KLHL5: variants seen among roughly 807,000 people sequenced by gnomAD.
KLHL5 encodes kelch like family member 5.
A neutral mutation model predicts 77.7 loss-of-function variants in KLHL5; 48 were observed. The ratio of observed to expected loss-of-function variants is 0.62; its 90% CI spans 0.49 to 0.79. The LOEUF (loss-of-function observed/expected upper bound fraction) is 0.79. Ranked by LOEUF, KLHL5 falls within the 30% of genes least tolerant of loss-of-function variation. The pLI is 0.00. For synonymous variants in KLHL5, 260 were observed against 297.0 expected, an observed-to-expected ratio of 0.88 and a Z score of 1.28; for missense variants, 723 against 859.7, an observed-to-expected ratio of 0.84 and a Z score of 1.99.
chr4:39,065,336 G>C (rs1717791601), intron 1 of KLHL5, among the ~76,000 whole-genome samples: 1 of 149,360 alleles, frequency 6.7e-6, no homozygotes, highest in South Asian at 2.1e-4. Flanking sequence ...CACTGTTAAT[G>C]TCACACTGAC....
Position 39,115,607 on chromosome 4 carries a change from A to G in KLHL5, c.2073+277A>G, listed in dbSNP as rs1577745725. Reference sequence around the variant, plus strand: ...GTGTTCTAGCCTGATTAAAGCTGATAGGACTACTGGAGGGCTGCAACAATG... The same window carrying G: ...GTGTTCTAGCCTGATTAAAGCTGATGGGACTACTGGAGGGCTGCAACAATG... On this transcript the variant is annotated intron_variant, in intron 10 of 10. Coordinates refer to ENST00000504108, the MANE Select transcript of KLHL5 (RefSeq NM_015990.5). The G allele has an allele frequency of 2.6e-5, 37 of 1,413,648 alleles. 2 individuals carry two copies. In the East Asian group the frequency reaches 9.4e-4, roughly 36 times the overall value. 87.6% of individuals were successfully genotyped at this position (1,413,648 alleles called of 1,614,324 possible). A position where few individuals can be genotyped will look rare whatever the true frequency, so the allele number is the denominator to read the frequency against.
At chr4:39,112,145 T>C (rs945926231) in intron 8 of KLHL5, among the ~76,000 whole-genome samples, 4 of 152,194 alleles carry the variant, frequency 2.6e-5, no homozygotes, top group African/African-American at 9.6e-5. Context: ...ACAAGAAATA[T>C]TGTGTTCAAA....
At chr4:39,063,426 CAG>C (rs911328934) in intron 1 of KLHL5, 9 of 254,086 alleles carry the variant, frequency 3.5e-5, no homozygotes, top group Non-Finnish European at 6.6e-5. Context: ...TAGTTTATAA[CAG>C]ATGATAGAGT....
intron 9 of KLHL5, 128 bp from the exon 10 acceptor site, chr4:39,115,030 TA>T: frequency 2.5e-6 from 2 of 815,454 alleles, no homozygotes; most frequent in Non-Finnish European, 3.8e-6. Flanking sequence ...TATTTTTCTC[TA>T]AAATATGTTC....
chr4:39,120,038 C>G (rs1339072638), intron 10 of KLHL5: 2 of 152,118 alleles, frequency 1.3e-5, no homozygotes, highest in African/African-American at 4.8e-5. Context: ...ACTCATTGGT[C>G]TAGGGGGTCG....
chr4:39,141,602 A>C, the KLHL5 span, among the ~76,000 whole-genome samples: 37 of 152,022 alleles, frequency 2.4e-4, no homozygotes, highest in African/African-American at 5.8e-4. Context: ...TGAGCCACCG[A>C]GCCCGGCCTA....
chr4:39,044,922 G>C, upstream of KLHL5: 1 of 982,416 alleles, frequency 1.0e-6, no homozygotes, highest in Non-Finnish European at 1.2e-6. Flanking sequence ...GAGCGGGAGT[G>C]GCTCGCTCCG....
chr4:39,107,070 C>T (rs1347359880), intron 7 of KLHL5, among the ~76,000 whole-genome samples: 5 of 90,244 alleles, frequency 5.5e-5, no homozygotes, highest in African/African-American at 7.8e-5. Flanking sequence ...TTTTTTGAGA[C>T]GGAGTCTCAC....
chr4:39,053,199 C>T (rs1716781091), intron 1 of KLHL5, among the ~76,000 whole-genome samples: 1 of 152,126 alleles, frequency 6.6e-6, no homozygotes, highest in Non-Finnish European at 1.5e-5. Context: ...CTACCCTTTC[C>T]CTACCTGACT....
intron 10 of KLHL5, among the ~76,000 whole-genome samples, chr4:39,118,542 G>A (rs1232775340): frequency 6.6e-6 from 1 of 152,190 alleles, no homozygotes; most frequent in Non-Finnish European, 1.5e-5. Flanking sequence ...GGTCACCTGA[G>A]GTCAGGAGTT....
Position 39,062,752 on chromosome 4 carries a change from A to G in KLHL5, c.100A>G (p.Ser34Gly), listed in dbSNP as rs139836085. The change falls in exon 1 of 11, where the codon AGC (serine) becomes GGC (glycine). Residue 34 changes from serine to glycine, a missense_variant. Transcript: ENST00000504108. ...QASSPNSTVD[S>G]QQGEFWNRGQ... ...ATCATCTCCTAATTCTACAGTTGAC[A>G]GCCAGCAGGGAGAATTTTGGAACCG... 275 of 1,614,174 alleles carry G rather than the reference A, an allele frequency of 1.7e-4. No homozygotes were observed. The highest frequency in any genetic ancestry group is 8.3e-5 in the Non-Finnish European group (98 of 1,180,000).
At chr4:39,127,752 A>T (rs1158153940), downstream of KLHL5, among the ~76,000 whole-genome samples, 2 of 152,112 alleles carry the variant, frequency 1.3e-5, no homozygotes, top group Non-Finnish European at 2.9e-5. Context: ...GGCCTGGGTC[A>T]CCACACCGAC....
In KLHL5 at chr4:39,062,449, T is replaced by G. The variant is rs1717502747; in HGVS notation, c.-204T>G. 1 of 1,542,760 alleles carries G rather than the reference T, an allele frequency of 6.5e-7. No homozygotes were observed. Among genetic ancestry groups the G allele is most frequent in the Non-Finnish European group, 8.7e-7 (1 of 1,149,710 alleles). On this transcript the variant is annotated 5_prime_UTR_variant, in exon 1 of 11. Transcript: ENST00000504108. ...ACGGAATGTTCCACCGTGTTTCATC[T>G]TTATTCATTATCCTTTGTTCTTTAA...
intron 1 of KLHL5, among the ~76,000 whole-genome samples, chr4:39,074,326 T>C (rs1272978519): frequency 6.6e-6 from 1 of 152,260 alleles, no homozygotes; most frequent in Non-Finnish European, 1.5e-5. Context: ...GTTAAGGCAC[T>C]GTTAACTTCT....
intron 1 of KLHL5, among the ~76,000 whole-genome samples, chr4:39,066,063 A>G (rs568638301): frequency 5.9e-5 from 9 of 152,320 alleles, no homozygotes; most frequent in African/African-American, 2.2e-4. Flanking sequence ...CCATCCACCT[A>G]AGTGATTTAA....
At chr4:39,064,421 A>C (rs1178286025) in intron 1 of KLHL5, among the ~76,000 whole-genome samples, 1 of 152,120 alleles carries the variant, frequency 6.6e-6, no homozygotes, top group Non-Finnish European at 1.5e-5. Flanking sequence ...TTATATAGTA[A>C]AAGATTCATC....
chr4:39,096,252 GT>G (rs1264860004), intron 5 of KLHL5, among the ~76,000 whole-genome samples: 1 of 152,052 alleles, frequency 6.6e-6, no homozygotes, highest in African/African-American at 2.4e-5. Flanking sequence ...GGTAACTTTT[GT>G]TTTTGCAGTT....
At chr4:39,091,551 ATCTGAGTC>A (rs1346511087) in intron 5 of KLHL5, among the ~76,000 whole-genome samples, 1 of 152,220 alleles carries the variant, frequency 6.6e-6, no homozygotes, top group Admixed American at 6.5e-5. Context: ...ATTTATAAGT[ATCTGAGTC>A]TCCACTATTC....
chr4:39,142,083 A>ATCAACTGCTT, the KLHL5 span, among the ~76,000 whole-genome samples: 5 of 152,220 alleles, frequency 3.3e-5, no homozygotes, highest in African/African-American at 9.6e-5. Flanking sequence ...ACTACACAGG[A>ATCAACTGCTT]TCAACTGCTT....
Sources: gnomAD v4.1 joint callset for allele counts (sites outside exome capture counted in the v4.1 genomes callset) on GRCh38, gnomAD v4.1.1 for gene constraint, MANE v1.5 for transcripts, NCBI Gene and HGNC (gene_info 2026-07-23, HGNC 2026-07-21) for gene names.